TAMM41: variants seen among roughly 807,000 people sequenced by gnomAD.
TAMM41 encodes phosphatidate cytidylyltransferase, mitochondrial.
TAMM41 carries 36 observed loss-of-function variants against 44.1 expected under a neutral mutation model. That is an observed-to-expected ratio of 0.82 (90% CI 0.63 to 1.08). The LOEUF is 1.08. Ranked by LOEUF, TAMM41 falls within the 50% of genes least tolerant of loss-of-function variation. The pLI is 0.00. For synonymous variants in TAMM41, 164 were observed against 153.1 expected, an observed-to-expected ratio of 1.07 and a Z score of -0.53; for missense variants, 417 against 404.3, an observed-to-expected ratio of 1.03 and a Z score of -0.27.
intron 7 of TAMM41, among the ~76,000 whole-genome samples, chr3:11,791,801 T>G (rs184823122): frequency 2.0e-3 from 311 of 152,320 alleles, no homozygotes; most frequent in African/African-American, 7.2e-3. Flanking sequence ...TGGCTTCGTT[T>G]GTCTACCAGC....
intron 3 of TAMM41, chr3:11,833,065 G>A (rs1219259473): frequency 1.6e-6 from 2 of 1,236,488 alleles, no homozygotes; most frequent in East Asian, 1.2e-4. Context: ...TTCAATGAAA[G>A]GTGAACTAGG....
At chr3:11,841,177 G>A (rs1387202305) in intron 2 of TAMM41, among the ~76,000 whole-genome samples, 1 of 144,528 alleles carries the variant, frequency 6.9e-6, no homozygotes, top group East Asian at 2.1e-4. Flanking sequence ...TAACTCCCTG[G>A]GCTCCAGTGA....
At chr3:11,782,607 G>A in the TAMM41 span, among the ~76,000 whole-genome samples, 2 of 151,940 alleles carry the variant, frequency 1.3e-5, no homozygotes, top group Non-Finnish European at 2.9e-5. Flanking sequence ...GTAGGATAAG[G>A]ATTAAGTGAG....
the TAMM41 span, among the ~76,000 whole-genome samples, chr3:11,735,260 C>A: frequency 2.6e-5 from 4 of 151,816 alleles, no homozygotes; most frequent in Admixed American, 2.6e-4. Flanking sequence ...CTGGAGGCTG[C>A]AGCAGGAGGA....
the TAMM41 span, among the ~76,000 whole-genome samples, chr3:11,772,339 C>T: frequency 6.6e-6 from 1 of 151,862 alleles, no homozygotes; most frequent in Non-Finnish European, 1.5e-5. Flanking sequence ...CCTTGGCCTC[C>T]CAAAGTGCTG....
At chr3:11,800,812 C>T (rs1047437852) in intron 7 of TAMM41, among the ~76,000 whole-genome samples, 1 of 152,188 alleles carries the variant, frequency 6.6e-6, no homozygotes, top group African/African-American at 2.4e-5. Flanking sequence ...ATAGACTTAA[C>T]AGACATTTAC....
intron 4 of TAMM41, among the ~76,000 whole-genome samples, chr3:11,823,829 C>CT (rs35092715): frequency 0.64 from 74,841 of 117,706 alleles, 24,432 homozygotes; most frequent in Middle Eastern, 0.79. Flanking sequence ...CCATGCCCGG[C>CT]TTTTTTTTTT....
intron 7 of TAMM41, 152 bp downstream of exon 7, chr3:11,807,681 T>G (rs983109740): frequency 6.5e-7 from 1 of 1,536,230 alleles, no homozygotes; most frequent in East Asian, 2.4e-5. Flanking sequence ...CTGTTATGCC[T>G]GTTTGTACCT....
the TAMM41 span, among the ~76,000 whole-genome samples, chr3:11,762,608 C>T: frequency 6.6e-6 from 1 of 152,172 alleles, no homozygotes; most frequent in Non-Finnish European, 1.5e-5. Context: ...TCCTTTTATT[C>T]CCCCTAAATC....
At chr3:11,802,758 T>C (rs1041101651) in intron 7 of TAMM41, among the ~76,000 whole-genome samples, 13 of 152,104 alleles carry the variant, frequency 8.5e-5, no homozygotes, top group Non-Finnish European at 1.8e-4. Flanking sequence ...AAAAGAAAAT[T>C]ATAGACCAAT....
the TAMM41 span, among the ~76,000 whole-genome samples, chr3:11,761,036 C>T: frequency 6.6e-6 from 1 of 151,848 alleles, no homozygotes; most frequent in Admixed American, 6.6e-5. Flanking sequence ...GGCATGGTGG[C>T]AGGCACCTGT....
At position 11,846,532 on chromosome 3, in the gene TAMM41, G is replaced by C; in HGVS notation, c.105C>G (p.Tyr35Ter). Residue 35 changes from tyrosine to a stop codon, truncating the protein, a stop_gained, in exon 1 of 8, where the codon TAC (tyrosine) becomes TAG (stop). Coordinates refer to ENST00000455809, the MANE Select transcript of TAMM41 (RefSeq NM_001284401.2). LOFTEE classifies it high-confidence loss of function. Reference sequence around the variant, plus strand: ...GGTCTGAACTCGGCCCTGCCTGGCGGTACACCCCGGAGCCGTAGACGAAAG... The same window carrying C: ...GGTCTGAACTCGGCCCTGCCTGGCGCTACACCCCGGAGCCGTAGACGAAAG... ...SLAFVYGSGV[Y>*]RQAGPSSDQK... The C allele has an allele frequency of 6.2e-7, 1 of 1,614,190 alleles. No individual in the cohort carries two copies. Among genetic ancestry groups the C allele is most frequent in the Non-Finnish European group, 8.5e-7 (1 of 1,180,036 alleles).
the TAMM41 span, among the ~76,000 whole-genome samples, chr3:11,771,617 T>C: frequency 2.0e-5 from 3 of 152,086 alleles, no homozygotes; most frequent in South Asian, 6.2e-4. Flanking sequence ...GTTTAGCTCT[T>C]TGTTGCCCAG....
In TAMM41 at chr3:11,846,590, A is replaced by C. The variant is rs2079706132; in HGVS notation, c.47T>G (p.Ile16Ser). The C allele has an allele frequency of 6.2e-7, 1 of 1,614,214 alleles. No individual in the cohort carries two copies. The highest frequency in any genetic ancestry group is 8.5e-7 in the Non-Finnish European group (1 of 1,180,042). Residue 16 changes from isoleucine to serine, a missense_variant, in exon 1 of 8, where the codon ATC becomes AGC. Physicochemically the swap from Ile to Ser is moderately radical, Grantham distance 142. Transcript: ENST00000455809. ...CAGCTCCTCGGGGAAGTGAGACAGG[A>C]TCTTGCGGAAGGTCACCCACGAGCT... The part of the protein sequence containing the change: ...LQSSWVTFRK[I>S]LSHFPEELSL...
the TAMM41 span, among the ~76,000 whole-genome samples, chr3:11,774,514 C>T: frequency 1.3e-5 from 2 of 152,194 alleles, no homozygotes; most frequent in African/African-American, 4.8e-5. Flanking sequence ...GTCACAGGCC[C>T]CAGCTGCCGC....
At chr3:11,788,755 A>G (rs916597343), downstream of TAMM41, among the ~76,000 whole-genome samples, 6 of 152,154 alleles carry the variant, frequency 3.9e-5, 1 homozygote, top group South Asian at 2.1e-4. Context: ...GGCCAACATG[A>G]TGAAACCCTG....
the TAMM41 span, among the ~76,000 whole-genome samples, chr3:11,760,674 C>T: frequency 6.6e-6 from 1 of 152,036 alleles, no homozygotes; most frequent in East Asian, 2.0e-4. Context: ...GAGTCTCATG[C>T]CTCAGCCTCC....
the TAMM41 span, among the ~76,000 whole-genome samples, chr3:11,779,573 T>C: frequency 1.3e-5 from 2 of 152,128 alleles, no homozygotes; most frequent in South Asian, 4.1e-4. Flanking sequence ...GCTCTCCGTG[T>C]TTTCCTCTGA....
At chr3:11,743,417 T>G in the TAMM41 span, among the ~76,000 whole-genome samples, 2 of 151,004 alleles carry the variant, frequency 1.3e-5, no homozygotes, top group African/African-American at 4.9e-5. Context: ...CACTACAACC[T>G]CTGCCTCCAG....
Sources: allele counts gnomAD v4.1 joint callset (sites outside exome capture counted in the v4.1 genomes callset), GRCh38; gene constraint gnomAD v4.1.1; transcripts MANE v1.5; gene names NCBI Gene and HGNC (gene_info 2026-07-23, HGNC 2026-07-21).